TCF12: variants seen among roughly 807,000 people sequenced by gnomAD.
TCF12 encodes the protein transcription factor 12, also known as DNA-binding protein HTF4.
In TCF12, 45 loss-of-function variants were observed where a neutral mutation model predicts 86.0. The observed-to-expected ratio is 0.52, with a 90% CI of 0.41 to 0.67. The LOEUF (loss-of-function observed/expected upper bound fraction) is 0.67, where lower values mean the gene tolerates loss of function less well. TCF12 is among the 30% of genes least tolerant of loss of function. The pLI, the probability that TCF12 is intolerant of heterozygous loss-of-function variation, is 0.00. For synonymous variants in TCF12, 330 were observed against 299.6 expected (o/e 1.10, Z -1.05); for missense variants, 881 against 859.9 (o/e 1.02, Z -0.31).
At chr15:57,190,193 A>G (rs1338773432) in intron 6 of TCF12, among the ~76,000 whole-genome samples, 1 of 152,224 alleles carries the variant, frequency 6.6e-6, no homozygotes, top group Non-Finnish European at 1.5e-5. Flanking sequence ...ACTAAATGCC[A>G]CTGATTTGAA....
At chr15:57,055,619 T>C (rs543022936) in intron 3 of TCF12, among the ~76,000 whole-genome samples, 1 of 152,294 alleles carries the variant, frequency 6.6e-6, no homozygotes, top group Non-Finnish European at 1.5e-5. Flanking sequence ...ATTTTTTTTT[T>C]CACATCTGCT....
intron 3 of TCF12, among the ~76,000 whole-genome samples, chr15:56,953,641 ATTGAGC>A (rs1477187737): frequency 6.6e-6 from 1 of 151,994 alleles, no homozygotes; most frequent in Non-Finnish European, 1.5e-5. Flanking sequence ...TTTCTTCTTG[ATTGAGC>A]TTTGATAATT....
chr15:57,032,545 C>T (rs1292583119), intron 3 of TCF12, among the ~76,000 whole-genome samples: 3 of 152,196 alleles, frequency 2.0e-5, no homozygotes, highest in African/African-American at 7.2e-5. Context: ...CCTCCTGCCT[C>T]AGCCTCCAGA....
chr15:56,995,634 C>T (rs1327864612), intron 3 of TCF12, among the ~76,000 whole-genome samples: 3 of 151,952 alleles, frequency 2.0e-5, no homozygotes, highest in Non-Finnish European at 4.4e-5. Flanking sequence ...GACTTTTGTA[C>T]ATTGATTTTG....
At chr15:57,233,867 A>G (rs1339284811) in intron 11 of TCF12, among the ~76,000 whole-genome samples, 176 bp from the exon 12 acceptor site, 1 of 152,206 alleles carries the variant, frequency 6.6e-6, no homozygotes, top group Non-Finnish European at 1.5e-5. Context: ...CAATATAGAC[A>G]CTGGTAAAGA....
chr15:57,266,358 G>A (rs931572180), intron 18 of TCF12, among the ~76,000 whole-genome samples: 10 of 152,024 alleles, frequency 6.6e-5, no homozygotes, highest in Admixed American at 1.3e-4. Context: ...GATTACAGGC[G>A]TGAGCCACTG....
chr15:57,283,875 T>A (rs1179458386), intron 20 of TCF12, among the ~76,000 whole-genome samples: 1 of 152,106 alleles, frequency 6.6e-6, no homozygotes, highest in African/African-American at 2.4e-5. Flanking sequence ...AGACTACATA[T>A]AGGGTCAAAC....
chr15:57,159,955 A>G (rs1173426412), intron 5 of TCF12, among the ~76,000 whole-genome samples: 1 of 152,240 alleles, frequency 6.6e-6, no homozygotes, highest in Non-Finnish European at 1.5e-5. Flanking sequence ...TGCTGCAGAA[A>G]GAAATGCTGA....
chr15:57,236,512 G>A (rs1471772818), intron 12 of TCF12, among the ~76,000 whole-genome samples: 1 of 152,056 alleles, frequency 6.6e-6, no homozygotes, highest in African/African-American at 2.4e-5. Flanking sequence ...ATAGCCTCTG[G>A]TTTTAGATGG....
chr15:57,054,393 C>T (rs1297807009), intron 3 of TCF12, among the ~76,000 whole-genome samples: 3 of 152,174 alleles, frequency 2.0e-5, no homozygotes, highest in Admixed American at 2.0e-4. Flanking sequence ...AACAAAAAAC[C>T]TTTGCACTTT....
chr15:56,927,425 A>G (rs771852704), intron 3 of TCF12, among the ~76,000 whole-genome samples: 3 of 152,216 alleles, frequency 2.0e-5, no homozygotes, highest in Non-Finnish European at 4.4e-5. Context: ...TTCCGTTTGC[A>G]AAGCTGGTAA....
intron 3 of TCF12, among the ~76,000 whole-genome samples, chr15:56,987,221 C>G (rs1382251720): frequency 6.6e-6 from 1 of 152,076 alleles, no homozygotes; most frequent in African/African-American, 2.4e-5. Context: ...AAGCGATTCT[C>G]CTGCCTCAGC....
At chr15:57,039,494 C>G (rs1361529031) in intron 3 of TCF12, among the ~76,000 whole-genome samples, 1 of 152,190 alleles carries the variant, frequency 6.6e-6, no homozygotes, top group Admixed American at 6.5e-5. Context: ...ATTCATACCT[C>G]TCCATCTACT....
rs68154303 is a variant in TCF12 at position 57,240,879 on chromosome 15, C to CAAAAAAAAAAAAAA, written c.1036-2584_1036-2571dup. Among the ~76,000 whole-genome samples, 75 of 65,672 alleles carry CAAAAAAAAAAAAAA rather than the reference C, an allele frequency of 1.1e-3. 2 individuals are homozygous for CAAAAAAAAAAAAAA. Among genetic ancestry groups the CAAAAAAAAAAAAAA allele is most frequent in the African/African-American group, 3.8e-3 (70 of 18,548 alleles). 43.1% of individuals were successfully genotyped at this position (65,672 alleles called of 152,430 possible). ...TGGGTGACAGAGCAAGACCCTGTCT[C>CAAAAAAAAAAAAAA]AAAAAAAAAAAAAAAAAAAAAAGAA... On this transcript the variant is annotated intron_variant, in intron 12 of 20. Transcript: ENST00000333725.
chr15:56,979,712 C>G (rs1405333327), intron 3 of TCF12, among the ~76,000 whole-genome samples: 8 of 152,088 alleles, frequency 5.3e-5, no homozygotes, highest in Non-Finnish European at 1.5e-5. Context: ...CAGATTTCTA[C>G]CTTGTATGTT....
chr15:56,956,852 A>T (rs74018439), intron 3 of TCF12, among the ~76,000 whole-genome samples: 4 of 151,938 alleles, frequency 2.6e-5, no homozygotes, highest in Non-Finnish European at 4.4e-5. Flanking sequence ...ACTTGTTACA[A>T]TGTTTTCATG....
chr15:57,090,519 T>C (rs757585879), intron 4 of TCF12, among the ~76,000 whole-genome samples: 2 of 152,244 alleles, frequency 1.3e-5, no homozygotes, highest in African/African-American at 4.8e-5. Context: ...AGTTGTGACA[T>C]GCATCTATAA....
At chr15:57,075,764 T>C (rs2069843906) in intron 4 of TCF12, among the ~76,000 whole-genome samples, 1 of 52,002 alleles carries the variant, frequency 1.9e-5, no homozygotes, top group Non-Finnish European at 4.0e-5. Context: ...TTTCTTTTCT[T>C]TCTTTCTTTC....
intron 3 of TCF12, among the ~76,000 whole-genome samples, chr15:57,036,288 G>A (rs993430795): frequency 1.3e-5 from 2 of 152,112 alleles, no homozygotes; most frequent in Non-Finnish European, 2.9e-5. Context: ...GAAGTCATAG[G>A]AATGGAATAA....
Sources: gnomAD v4.1 joint callset for allele counts (sites outside exome capture counted in the v4.1 genomes callset) on GRCh38, gnomAD v4.1.1 for gene constraint, MANE v1.5 for transcripts, NCBI Gene and HGNC (gene_info 2026-07-23, HGNC 2026-07-21) for gene names.